Variants in PLCH2 observed in about 807,000 individuals in gnomAD.
The protein encoded by PLCH2 is 1-phosphatidylinositol 4,5-bisphosphate phosphodiesterase eta-2.
Under a neutral mutation model 134.7 loss-of-function variants are expected in PLCH2, and 98 were observed. The observed-to-expected ratio is 0.73, with a 90% confidence interval of 0.62 to 0.86. The LOEUF is 0.86. PLCH2 is among the 40% of genes least tolerant of loss of function. PLCH2 has a pLI of 0.00. For missense variants in PLCH2, 1,994 were observed against 1,986.6 expected, an observed-to-expected ratio of 1.00 and a Z score of -0.07; for synonymous variants, 974 against 827.5, an observed-to-expected ratio of 1.18 and a Z score of -3.04.
intron 4 of PLCH2, among the ~76,000 whole-genome samples, chr1:2,483,752 TTGACCCCCGTTTGGGGGGGCGC>T (rs70956306): frequency 0.13 from 15,076 of 114,420 alleles, 3,605 homozygotes; most frequent in Admixed American, 0.2. Flanking sequence ...GAGTGTGTTG[TTGACCCCCGTTTGGGGGGGCGC>T]TGACCCCCGT....
intron 11 of PLCH2, among the ~76,000 whole-genome samples, chr1:2,492,110 C>T (rs1254136249): frequency 1.3e-5 from 2 of 152,208 alleles, no homozygotes; most frequent in East Asian, 3.8e-4. Flanking sequence ...TCTGCCTGTC[C>T]CTGCAGGGAC....
intron 4 of PLCH2, among the ~76,000 whole-genome samples, chr1:2,481,100 A>C (rs1194010159): frequency 6.6e-6 from 1 of 152,214 alleles, no homozygotes; most frequent in Non-Finnish European, 1.5e-5. Flanking sequence ...ACATGCACAC[A>C]CACACGCATA....
rs1182443914 is a variant in PLCH2 at position 2,496,874 on chromosome 1, C to T, written c.1980C>T (p.His660=). 1 of 1,612,986 alleles carries T rather than the reference C, an allele frequency of 6.2e-7. No individual in the cohort carries two copies. The highest frequency in any genetic ancestry group is 1.7e-5 in the Admixed American group (1 of 60,036). Residue 660 remains histidine, a synonymous_variant, in exon 15 of 22, where the codon CAC becomes CAT. Coordinates refer to ENST00000378486, the MANE Select transcript of PLCH2 (RefSeq NM_014638.4). The stretch of plus-strand genomic sequence containing the variant: ...CGTCCTTCAGCGAGACCAAGGCCCA[C>T]CAGATTCTGCAGCAGAAGCCGGCGC... ...QVSSFSETKA[H]QILQQKPAQY...
intron 12 of PLCH2, 67 bp downstream of exon 12, chr1:2,495,015 G>A (rs560585872): frequency 1.4e-5 from 15 of 1,095,880 alleles, no homozygotes; most frequent in South Asian, 7.1e-5. Context: ...CCAGTGCCCC[G>A]TGTCCTCCCT....
intron 2 of PLCH2, among the ~76,000 whole-genome samples, chr1:2,445,961 G>T (rs4443836): frequency 0.12 from 17,871 of 152,264 alleles, 1,138 homozygotes; most frequent in African/African-American, 0.15. Context: ...GTCCGGGAAC[G>T]GAGGGAGCCT....
chr1:2,477,720 G>C (rs1641710726), intron 1 of PLCH2, among the ~76,000 whole-genome samples: 1 of 152,204 alleles, frequency 6.6e-6, no homozygotes, highest in African/African-American at 2.4e-5. Flanking sequence ...CAGCCTGGGG[G>C]AGGGGAGGGG....
intron 2 of PLCH2, among the ~76,000 whole-genome samples, chr1:2,461,967 C>T (rs1640821676): frequency 6.6e-6 from 1 of 151,924 alleles, no homozygotes; most frequent in South Asian, 2.1e-4. Context: ...CTTGGGGCTG[C>T]CTCCCCTGGC....
Position 2,443,707 on chromosome 1 carries a change from C to T in PLCH2, c.115+13078C>T, listed in dbSNP as rs1249041839. 1.3e-4 allele frequency among the ~76,000 whole-genome samples: 19 copies of T among 148,290 alleles called. No individual in the cohort carries two copies. In the East Asian group the frequency reaches 3.3e-3, roughly 26 times the overall value. On this transcript the variant is annotated intron_variant, in intron 2 of 3. Transcript: ENST00000609981. Reference sequence around the variant, plus strand: ...CCCCCGGCCCCCTCCCGGCGCGGGGCGGGCAGGGGGTGTGGTGCGGGCGGC... The same window carrying T: ...CCCCCGGCCCCCTCCCGGCGCGGGGTGGGCAGGGGGTGTGGTGCGGGCGGC...
upstream of PLCH2, among the ~76,000 whole-genome samples, chr1:2,424,917 C>T (rs533832914): frequency 4.7e-3 from 719 of 152,218 alleles, 5 homozygotes; most frequent in Non-Finnish European, 6.0e-3. Context: ...ACCCGGGAGG[C>T]GAAGGTTGCA....
intron 2 of PLCH2, among the ~76,000 whole-genome samples, chr1:2,436,035 C>CCTCCCTCCTCCCT (rs1639326091): frequency 2.2e-5 from 2 of 89,476 alleles, no homozygotes. Context: ...CCCTCCTCCC[C>CCTCCCTCCTCCCT]TCCTCCCTTC....
At chr1:2,494,819 T>C in intron 11 of PLCH2, 37 bp from the exon 12 acceptor site, 1 of 1,464,348 alleles carries the variant, frequency 6.8e-7, no homozygotes, top group South Asian at 1.2e-5. Context: ...GGTTCAAGGC[T>C]AGACTCACCT....
chr1:2,462,920 C>T (rs780310606), upstream of PLCH2, among the ~76,000 whole-genome samples: 20 of 152,294 alleles, frequency 1.3e-4, 1 homozygote, highest in Admixed American at 3.9e-4. Flanking sequence ...GTTTCCTAAC[C>T]GAAGCCGTAA....
At position 2,491,230 on chromosome 1, in the gene PLCH2, G is replaced by A; in HGVS notation, c.1554G>A (p.Lys518=). 6.2e-7 allele frequency: 1 copy of A among 1,613,210 alleles called. No individual in the cohort carries two copies. The highest frequency in any genetic ancestry group is 8.5e-7 in the Non-Finnish European group (1 of 1,179,812). Residue 518 remains lysine, a synonymous_variant, in exon 11 of 22, where the codon AAG becomes AAA. Coordinates refer to ENST00000378486, the MANE Select transcript of PLCH2 (RefSeq NM_014638.4). ...TNRKRVENTA[K]RKLDSLIKES... is the part of the protein sequence containing the mutation. ...GAAAGCGTGTAGAAAACACTGCTAA[G>A]AGGAAACTGGATTCCCTCATCAAAG...
chr1:2,484,727 C>A, intron 5 of PLCH2, 109 bp downstream of exon 5: 3 of 1,246,648 alleles, frequency 2.4e-6, no homozygotes, highest in Non-Finnish European at 3.3e-6. Flanking sequence ...CTGTCTGAAG[C>A]TATCCCAGGC....
At chr1:2,460,814 T>C (rs1640772452) in intron 2 of PLCH2, among the ~76,000 whole-genome samples, 1 of 152,118 alleles carries the variant, frequency 6.6e-6, no homozygotes, top group Admixed American at 6.5e-5. Flanking sequence ...TGACTGACCG[T>C]GTGGACTTAG....
the PLCH2 span, among the ~76,000 whole-genome samples, chr1:2,418,396 C>G: frequency 6.6e-6 from 1 of 152,098 alleles, no homozygotes; most frequent in Non-Finnish European, 1.5e-5. Flanking sequence ...GCTCCTGCAG[C>G]GAGCTCTGGG....
chr1:2,471,043 TG>T (rs916528635), intron 1 of PLCH2, among the ~76,000 whole-genome samples: 6 of 139,100 alleles, frequency 4.3e-5, no homozygotes, highest in South Asian at 2.5e-4. Context: ...GGACACACAA[TG>T]GGGGGGGCAC....
chr1:2,499,280 G>A (rs762875087), intron 19 of PLCH2, 50 bp downstream of exon 19: 8 of 1,599,184 alleles, frequency 5.0e-6, no homozygotes, highest in Non-Finnish European at 6.8e-6. Context: ...GGGCCCCAGG[G>A]CAGGGCAGGT....
At chr1:2,465,033 C>G (rs549422981), upstream of PLCH2, among the ~76,000 whole-genome samples, 82 of 152,194 alleles carry the variant, frequency 5.4e-4, no homozygotes, top group South Asian at 1.0e-2. Context: ...AGCCAGGGCC[C>G]GGGGAGCAGG....
Sources: gnomAD v4.1 joint callset for allele counts (sites outside exome capture counted in the v4.1 genomes callset) on GRCh38, gnomAD v4.1.1 for gene constraint, MANE v1.5 for transcripts, NCBI Gene and HGNC (gene_info 2026-07-23, HGNC 2026-07-21) for gene names.